The following ANKRD42 variants were observed in gnomAD, a reference collection of about 807,000 sequenced individuals.
ANKRD42 encodes ankyrin repeat domain 42, also known as ankyrin repeat domain-containing protein 42.
A neutral mutation model predicts 51.5 loss-of-function variants in ANKRD42; 43 were observed. The ratio of observed to expected loss-of-function variants is 0.83; its 90% CI spans 0.65 to 1.08. ANKRD42 has a LOEUF of 1.08. ANKRD42 is among the 50% of genes least tolerant of loss of function. The probability of loss-of-function intolerance (pLI) is 0.00; values close to 1 mark genes in which losing one functional copy is unlikely to be tolerated. For synonymous variants in ANKRD42, 203 were observed against 213.0 expected, an observed-to-expected ratio of 0.95 and a Z score of 0.41; for missense variants, 608 against 629.3, an observed-to-expected ratio of 0.97 and a Z score of 0.36.
chr11:83,251,181 A>G (rs1430846203), downstream of ANKRD42, among the ~76,000 whole-genome samples: 2 of 152,110 alleles, frequency 1.3e-5, no homozygotes, highest in Non-Finnish European at 2.9e-5. Context: ...ATATACCTTG[A>G]AAACTGCCTG....
At chr11:83,226,797 C>T (rs1862900254) in intron 6 of ANKRD42, among the ~76,000 whole-genome samples, 1 of 87,744 alleles carries the variant, frequency 1.1e-5, no homozygotes, top group Middle Eastern at 6.6e-3. Flanking sequence ...GAGACCCTGC[C>T]TCTAAACAAA....
At chr11:83,235,838 G>T (rs1486378644) in intron 7 of ANKRD42, among the ~76,000 whole-genome samples, 1 of 152,126 alleles carries the variant, frequency 6.6e-6, no homozygotes, top group African/African-American at 2.4e-5. Flanking sequence ...GTGAAGATTT[G>T]GACAAAGGTG....
intron 6 of ANKRD42, among the ~76,000 whole-genome samples, chr11:83,226,238 CAT>C (rs1371155633): frequency 1.5e-4 from 23 of 151,426 alleles, no homozygotes; most frequent in African/African-American, 2.2e-4. Context: ...TACACACACA[CAT>C]ACACACACAC....
intron 7 of ANKRD42, among the ~76,000 whole-genome samples, chr11:83,235,793 G>A (rs774565924): frequency 2.0e-5 from 3 of 152,226 alleles, no homozygotes; most frequent in Admixed American, 6.5e-5. Context: ...AAGCAGAGTT[G>A]TGAAGGTGAA....
intron 5 of ANKRD42, among the ~76,000 whole-genome samples, chr11:83,216,515 G>A (rs910632554): frequency 6.6e-6 from 1 of 151,298 alleles, no homozygotes; most frequent in Non-Finnish European, 1.5e-5. Context: ...TAGTAGAGAC[G>A]GGGTTTCACC....
At chr11:83,194,788 C>A in intron 1 of ANKRD42, 60 bp downstream of exon 1, 1 of 1,488,692 alleles carries the variant, frequency 6.7e-7, no homozygotes. Flanking sequence ...CTTAAGCCCG[C>A]AACAGCCTTA....
intron 7 of ANKRD42, among the ~76,000 whole-genome samples, chr11:83,235,093 T>G (rs1162212857): frequency 6.6e-6 from 1 of 152,228 alleles, no homozygotes; most frequent in Non-Finnish European, 1.5e-5. Context: ...CATGTGCCTG[T>G]ACTGTGAGCC....
intron 1 of ANKRD42, among the ~76,000 whole-genome samples, chr11:83,195,385 T>C (rs1365906867): frequency 6.6e-6 from 1 of 152,184 alleles, no homozygotes; most frequent in Non-Finnish European, 1.5e-5. Context: ...TAAAGGACGG[T>C]AGAATGCCAC....
chr11:83,232,626 C>T (rs1863107160), intron 7 of ANKRD42, among the ~76,000 whole-genome samples: 1 of 152,126 alleles, frequency 6.6e-6, no homozygotes, highest in Admixed American at 6.5e-5. Context: ...ACTTCTAGTA[C>T]TGTGTTGAAT....
chr11:83,259,326 G>C (rs898058435), downstream of ANKRD42: 2 of 152,178 alleles, frequency 1.3e-5, no homozygotes, highest in Admixed American at 1.3e-4. Context: ...CTGAACCCCA[G>C]AACCACCATC....
At position 83,194,702 on chromosome 11, in the gene ANKRD42, C is replaced by A; in HGVS notation, c.32C>A (p.Thr11Asn). MPGVANSGPS[T>N]SSRETANPCS... The stretch of plus-strand genomic sequence containing the variant: ...GGGGTGGCCAATTCAGGCCCCTCCA[C>A]TTCCTCTAGGGAGACTGCAAACCCC... Residue 11 changes from threonine to asparagine, a missense_variant, in exon 1 of 11, where the codon ACT becomes AAT. By Grantham distance (65) the Thr-to-Asn change is moderately conservative. Coordinates refer to ENST00000533342, the MANE Select transcript of ANKRD42 (RefSeq NM_001300975.2). 6.2e-7 allele frequency: 1 copy of A among 1,611,954 alleles called. No individual in the cohort carries two copies. The highest frequency in any genetic ancestry group is 1.1e-5 in the South Asian group (1 of 90,836).
intron 2 of ANKRD42, among the ~76,000 whole-genome samples, chr11:83,200,008 A>G (rs1046295472): frequency 6.6e-6 from 1 of 151,746 alleles, no homozygotes; most frequent in African/African-American, 2.4e-5. Context: ...GCACTTTGGC[A>G]GGTTTTTTAA....
chr11:83,215,930 G>C (rs552672862), intron 5 of ANKRD42, among the ~76,000 whole-genome samples: 18 of 152,088 alleles, frequency 1.2e-4, no homozygotes, highest in South Asian at 2.1e-4. Context: ...CAAGTAGCTG[G>C]ATTACAGATG....
chr11:83,209,391 G>T (rs545525990), intron 3 of ANKRD42: 3 of 1,560,810 alleles, frequency 1.9e-6, no homozygotes, highest in South Asian at 1.2e-5. Context: ...CTAGCAAACC[G>T]AGCGATCATG....
At chr11:83,213,068 C>T (rs777484896) in intron 5 of ANKRD42, 126 of 1,600,144 alleles carry the variant, frequency 7.9e-5, no homozygotes, top group Middle Eastern at 1.6e-4. Flanking sequence ...GAAGTTCTTC[C>T]GGCACCAGAC....
At chr11:83,197,729 A>T (rs1218284319) in intron 1 of ANKRD42, among the ~76,000 whole-genome samples, 1 of 152,224 alleles carries the variant, frequency 6.6e-6, no homozygotes, top group Non-Finnish European at 1.5e-5. Flanking sequence ...CACAATGCTT[A>T]TTAATTAAAT....
intron 9 of ANKRD42, among the ~76,000 whole-genome samples, chr11:83,244,827 A>G (rs1176915242): frequency 1.3e-5 from 2 of 152,154 alleles, no homozygotes; most frequent in Admixed American, 6.5e-5. Flanking sequence ...AAAATCAAGT[A>G]TATTTCAGTT....
At chr11:83,219,354 A>C (rs146399658) in intron 5 of ANKRD42, among the ~76,000 whole-genome samples, 3 of 152,204 alleles carry the variant, frequency 2.0e-5, no homozygotes, top group African/African-American at 7.2e-5. Flanking sequence ...CGTCTTACCT[A>C]TTCCAGGGTG....
chr11:83,200,664 TC>T (rs1460456694), intron 2 of ANKRD42, among the ~76,000 whole-genome samples: 2 of 152,216 alleles, frequency 1.3e-5, no homozygotes, highest in African/African-American at 4.8e-5. Flanking sequence ...GTCCTCTCCA[TC>T]CCCATAACCA....
Sources: gnomAD v4.1 joint callset for allele counts (sites outside exome capture counted in the v4.1 genomes callset) on GRCh38, gnomAD v4.1.1 for gene constraint, MANE v1.5 for transcripts, NCBI Gene and HGNC (gene_info 2026-07-23, HGNC 2026-07-21) for gene names.